Variants in ATP6V1E1 observed in about 807,000 individuals in gnomAD.
ATP6V1E1 encodes the protein V-type proton ATPase subunit E 1.
A neutral mutation model predicts 35.2 loss-of-function variants in ATP6V1E1; 21 were observed. That is an observed-to-expected ratio of 0.60 (90% CI 0.42 to 0.86). ATP6V1E1 has a LOEUF of 0.86. Among genes scored for constraint, ATP6V1E1 ranks in the 40% least tolerant of loss-of-function variants. The pLI is 0.00. For synonymous variants in ATP6V1E1, 83 were observed against 87.8 expected, an observed-to-expected ratio of 0.95 and a Z score of 0.30; for missense variants, 183 against 272.6, an observed-to-expected ratio of 0.67 and a Z score of 2.32.
chr22:17,622,649 T>C (rs1466677274), intron 1 of ATP6V1E1, among the ~76,000 whole-genome samples: 1 of 151,676 alleles, frequency 6.6e-6, no homozygotes, highest in Non-Finnish European at 1.5e-5. Flanking sequence ...TAAAGTATAA[T>C]GAAACAAAAA....
rs1322336997 is a variant in ATP6V1E1 at position 17,619,524 on chromosome 22, T to C, written c.36A>G (p.Ile12Met). ...ALSDADVQKQ[I>M]KHMMAFIEQE... ...GTTCAATGAAAGCCATCATATGCTT[T>C]ATCTATAAGGAAAAAAAGTTTTATT... is the stretch of plus-strand genomic sequence containing the variant. Residue 12 changes from isoleucine to methionine, a missense_variant and splice_region_variant, in exon 2 of 9, where the codon ATA becomes ATG. Coordinates refer to ENST00000253413, the MANE Select transcript of ATP6V1E1 (RefSeq NM_001696.4). 1 of 1,588,562 alleles carries C rather than the reference T, an allele frequency of 6.3e-7. No individual in the cohort carries two copies. Among genetic ancestry groups the C allele is most frequent in the Non-Finnish European group, 8.5e-7 (1 of 1,170,172 alleles).
rs563941793 is a variant in ATP6V1E1, at chr22:17,625,866, T to TA, written c.33+2736dup. 1.3e-3 allele frequency among the ~76,000 whole-genome samples: 176 copies of TA among 139,622 alleles called. 1 individual carries two copies. The East Asian group carries it at 0.015, about 12-fold the overall frequency. The allele number at this position is 139,622 out of a possible 152,430, so 91.6% of individuals were successfully genotyped here. Reference sequence around the variant, plus strand: ...CCTACAGACTTGAAGGTATGGCACTTAAAAAAAAAAAAAAAGTTTCCCAGG... The same window carrying TA: ...CCTACAGACTTGAAGGTATGGCACTTAAAAAAAAAAAAAAAAGTTTCCCAGG... On this transcript the variant is annotated intron_variant, in intron 1 of 8. Transcript: ENST00000253413.
chr22:17,619,664 T>A (rs549166705), intron 1 of ATP6V1E1, 138 bp from the exon 2 acceptor site: 1 of 704,022 alleles, frequency 1.4e-6, no homozygotes, highest in Admixed American at 3.0e-5. Flanking sequence ...GGAGGGAGGA[T>A]TGCTTTAGGC....
chr22:17,610,886 G>A (rs1375336260), intron 4 of ATP6V1E1, among the ~76,000 whole-genome samples: 1 of 152,290 alleles, frequency 6.6e-6, no homozygotes, highest in East Asian at 1.9e-4. Context: ...TTTTAAACAC[G>A]ATATGACAAA....
At position 17,601,116 on chromosome 22, in the gene ATP6V1E1, C is replaced by T. The variant is rs770127750; in HGVS notation, c.342G>A (p.Val114=). 3 of 1,613,532 alleles carry T rather than the reference C, an allele frequency of 1.9e-6. No homozygotes were observed. The Admixed American group carries it at 5.0e-5, about 27-fold the overall frequency. ...CCTGGAGAACCAGTCCATCCAGCAG[C>T]ACTTGGTACCTGGTTGTATCTTTTA... ...KVVKDTTRYQ[V]LLDGLVLQGL... The change falls in exon 5 of 9, where the codon GTG becomes GTA. Residue 114 remains valine (V), a synonymous_variant. Transcript: ENST00000253413.
intron 1 of ATP6V1E1, among the ~76,000 whole-genome samples, chr22:17,628,115 G>C (rs2057930930): frequency 6.6e-6 from 1 of 151,664 alleles, no homozygotes; most frequent in Non-Finnish European, 1.5e-5. Context: ...ACAGGCGCGC[G>C]CCACCACGTC....
At chr22:17,615,446 G>A (rs1391976120) in intron 2 of ATP6V1E1, among the ~76,000 whole-genome samples, 2 of 151,772 alleles carry the variant, frequency 1.3e-5, no homozygotes, top group Non-Finnish European at 2.9e-5. Context: ...GGAGTTCCAA[G>A]ACGAGCCTGG....
At chr22:17,619,117 C>T in intron 2 of ATP6V1E1, 2 of 451,116 alleles carry the variant, frequency 4.4e-6, no homozygotes, top group Non-Finnish European at 8.8e-6. Context: ...CACGGTGAAA[C>T]CCCGTCTCTA....
chr22:17,592,323 T>C lies in ATP6V1E1; in HGVS notation c.*351A>G, dbSNP rs1206788553. 4.0e-6 allele frequency: 1 copy of C among 252,286 alleles called. No homozygotes were observed. Among genetic ancestry groups the C allele is most frequent in the Non-Finnish European group, 7.7e-6 (1 of 129,276 alleles). 15.6% of individuals were successfully genotyped at this position (252,286 alleles called of 1,614,324 possible). ...CCACATGCGCCTTAAGCCTCAAGAG[T>C]GGGGACTGCAGGGCCAAACACCAAA... On this transcript the variant is annotated 3_prime_UTR_variant, in exon 9 of 9. Transcript: ENST00000253413.
chr22:17,619,991 C>T (rs1026131221), intron 1 of ATP6V1E1, among the ~76,000 whole-genome samples: 2 of 152,110 alleles, frequency 1.3e-5, no homozygotes, highest in Admixed American at 6.6e-5. Context: ...ACTCTTTCAA[C>T]TTTACTACCT....
At chr22:17,620,390 G>A (rs1246145506) in intron 1 of ATP6V1E1, among the ~76,000 whole-genome samples, 5 of 151,684 alleles carry the variant, frequency 3.3e-5, no homozygotes, top group South Asian at 2.1e-4. Flanking sequence ...CCTGTGATCC[G>A]CCCGCCTCAG....
chr22:17,595,650 G>A (rs1256563665), intron 7 of ATP6V1E1, among the ~76,000 whole-genome samples: 1 of 152,046 alleles, frequency 6.6e-6, no homozygotes, highest in African/African-American at 2.4e-5. Flanking sequence ...GCGAAAGCCT[G>A]TCTCCACTAA....
At chr22:17,593,636 G>C (rs1325828410) in intron 8 of ATP6V1E1, among the ~76,000 whole-genome samples, 1 of 152,168 alleles carries the variant, frequency 6.6e-6, no homozygotes, top group East Asian at 1.9e-4. Flanking sequence ...TGGCTACTAG[G>C]AAACAATGTT....
intron 1 of ATP6V1E1, among the ~76,000 whole-genome samples, chr22:17,622,481 G>A (rs1371261126): frequency 2.0e-5 from 3 of 152,070 alleles, no homozygotes; most frequent in Non-Finnish European, 2.9e-5. Flanking sequence ...GTACCAAAAC[G>A]AATTAAGAAA....
At position 17,593,396 on chromosome 22, in the gene ATP6V1E1, TA is replaced by T. The variant is rs2057714966; in HGVS notation, c.619-661del. Among the ~76,000 whole-genome samples, 3 of 152,312 alleles carry T rather than the reference TA, an allele frequency of 2.0e-5. No individual in the cohort carries two copies. The South Asian group carries it at 6.2e-4, about 32-fold the overall frequency. On this transcript the variant is annotated intron_variant, in intron 8 of 8. Coordinates refer to ENST00000253413, the MANE Select transcript of ATP6V1E1 (RefSeq NM_001696.4). ...CTTCAACAAACATTTACTGAGTGCC[TA>T]CTATGGCCACAGCAGCTGCAAAGAA...
chr22:17,609,353 G>A (rs1335099851), intron 4 of ATP6V1E1, among the ~76,000 whole-genome samples: 1 of 149,832 alleles, frequency 6.7e-6, no homozygotes, highest in African/African-American at 2.5e-5. Flanking sequence ...AGTAGAGACA[G>A]GGCACCACAT....
rs572320743 is a variant in ATP6V1E1 at position 17,613,535 on chromosome 22, A to G, written c.100-215T>C. Among the ~76,000 whole-genome samples, 359 of 151,874 alleles carry G rather than the reference A, an allele frequency of 2.4e-3. 1 individual carries two copies. Among genetic ancestry groups the G allele is most frequent in the African/African-American group, 8.2e-3 (342 of 41,538 alleles). ...GTACTAGGAAACTAAAAATTTCGTCAAGGGTAACAGTAACCGACAAGTTAC... is the reference window on the plus strand; with the variant it reads ...GTACTAGGAAACTAAAAATTTCGTCGAGGGTAACAGTAACCGACAAGTTAC... On this transcript the variant is annotated intron_variant, in intron 2 of 8. Transcript: ENST00000253413.
intron 1 of ATP6V1E1, among the ~76,000 whole-genome samples, chr22:17,626,065 G>T (rs2057902897): frequency 6.6e-6 from 1 of 151,930 alleles, no homozygotes; most frequent in Non-Finnish European, 1.5e-5. Flanking sequence ...CCAGCACTTT[G>T]GGAGGCCGAG....
intron 4 of ATP6V1E1, among the ~76,000 whole-genome samples, chr22:17,611,812 A>G (rs2057816926): frequency 6.6e-6 from 1 of 152,192 alleles, no homozygotes; most frequent in African/African-American, 2.4e-5. Flanking sequence ...CACTGCCACC[A>G]TCGATTAATA....
Sources: gnomAD v4.1 joint callset for allele counts (sites outside exome capture counted in the v4.1 genomes callset) on GRCh38, gnomAD v4.1.1 for gene constraint, MANE v1.5 for transcripts, NCBI Gene and HGNC (gene_info 2026-07-23, HGNC 2026-07-21) for gene names.